The following RFTN1 variants were observed in gnomAD, a reference collection of about 807,000 sequenced individuals.
RFTN1 encodes raftlin.
Under a neutral mutation model 46.5 loss-of-function variants are expected in RFTN1, and 26 were observed. The observed-to-expected ratio is 0.56, with a 90% CI of 0.41 to 0.78. The LOEUF is 0.78. Among genes scored for constraint, RFTN1 ranks in the 30% least tolerant of loss-of-function variants. The pLI, the probability that RFTN1 is intolerant of heterozygous loss-of-function variation, is 0.00. For synonymous variants in RFTN1, 261 were observed against 284.2 expected, an observed-to-expected ratio of 0.92 and a Z score of 0.82; for missense variants, 693 against 718.7, an observed-to-expected ratio of 0.96 and a Z score of 0.41.
chr3:16,391,893 TG>T (rs59883582), intron 4 of RFTN1, among the ~76,000 whole-genome samples: 4,007 of 27,758 alleles, frequency 0.14, 447 homozygotes, highest in African/African-American at 0.23. Flanking sequence ...TTTTTTTTTT[TG>T]TTTTTTTTAC....
intron 4 of RFTN1, among the ~76,000 whole-genome samples, chr3:16,397,966 G>T (rs563785662): frequency 2.6e-5 from 4 of 152,288 alleles, no homozygotes; most frequent in Non-Finnish European, 5.9e-5. Flanking sequence ...AGCATCATGG[G>T]CCGGGCGCGG....
chr3:16,402,554 C>G lies in RFTN1; in HGVS notation c.441+6821G>C, dbSNP rs1164375178. ...CATTTCACTCTGAATTGGCATCTTA[C>G]CCTAATTAAAATTAGACTCTCTGCA... On this transcript the variant is annotated intron_variant, in intron 4 of 9. Coordinates refer to ENST00000334133, the MANE Select transcript of RFTN1 (RefSeq NM_015150.2). The surrounding 1 kb of genome is among the most constrained non-coding windows in gnomAD (Gnocchi z 4.5). Among the ~76,000 whole-genome samples the G allele has an allele frequency of 6.6e-6, 1 of 152,156 alleles. No homozygotes were observed. The highest frequency in any genetic ancestry group is 1.5e-5 in the Non-Finnish European group (1 of 68,030).
Position 16,459,766 on chromosome 3 carries a change from T to C in RFTN1, c.146-25729A>G, listed in dbSNP as rs796993061. Reference sequence around the variant, plus strand: ...ATATCATCATGTTATAGAAAAAAGTTGAAAAAGGAACATATTATAGAATTA... The same window carrying C: ...ATATCATCATGTTATAGAAAAAAGTCGAAAAAGGAACATATTATAGAATTA... On this transcript the variant is annotated intron_variant, in intron 2 of 9. Transcript: ENST00000334133. This position sits in a 1 kb window ranked among gnomAD's most constrained non-coding sequence, Gnocchi z 4.2. Among the ~76,000 whole-genome samples the C allele has an allele frequency of 1.1e-4, 16 of 151,814 alleles. No individual in the cohort carries two copies. The highest frequency in any genetic ancestry group is 3.9e-4 in the African/African-American group (16 of 41,154).
At position 16,326,161 on chromosome 3, in the gene RFTN1, G is replaced by A. The variant is rs184801564; in HGVS notation, c.1250+612C>T. On this transcript the variant is annotated intron_variant, in intron 8 of 9. Coordinates refer to ENST00000334133, the MANE Select transcript of RFTN1 (RefSeq NM_015150.2). The stretch of plus-strand genomic sequence containing the variant: ...AACATATAGATGGAGGGCCTTTTAT[G>A]GTTGGTGTGACTGGGCTCAAGGGAG... Among the ~76,000 whole-genome samples the A allele has an allele frequency of 3.3e-4, 50 of 152,352 alleles. No individual in the cohort carries two copies. In the East Asian group the frequency reaches 8.9e-3, roughly 27 times the overall value.
chr3:16,406,368 C>A (rs545385785), intron 4 of RFTN1, among the ~76,000 whole-genome samples: 17 of 152,318 alleles, frequency 1.1e-4, no homozygotes, highest in African/African-American at 3.8e-4. Flanking sequence ...CCAAGTCCAG[C>A]CCTGTCCACT....
In RFTN1 at chr3:16,403,834, A is replaced by AT. The variant is rs1434470072; in HGVS notation, c.441+5540_441+5541insA. On this transcript the variant is annotated intron_variant, in intron 4 of 9. Transcript: ENST00000334133. ...ATATTTTATATTATATTTATATATAAATATAATATAATATATATTTTATAT... is the reference window on the plus strand; with the variant it reads ...ATATTTTATATTATATTTATATATAATATATAATATAATATATATTTTATAT... Among the ~76,000 whole-genome samples, 3 of 5,098 alleles carry AT rather than the reference A, an allele frequency of 5.9e-4. 1 individual carries two copies. The highest frequency in any genetic ancestry group is 5.0e-3 in the African/African-American group (3 of 596). The allele number at this position is 5,098 out of a possible 152,430, so 3.3% of individuals were successfully genotyped here.
At chr3:16,409,790 TTCTCCTGCCTCAGCCTCCCCAG>T (rs964919596) in intron 3 of RFTN1, among the ~76,000 whole-genome samples, 1 of 151,186 alleles carries the variant, frequency 6.6e-6, no homozygotes, top group Non-Finnish European at 1.5e-5. Context: ...GTTCACGCCA[TTCTCCTGCCTCAGCCTCCCCAG>T]TAGCTGGGAC....
At chr3:16,409,016 G>A (rs987850660) in intron 4 of RFTN1, among the ~76,000 whole-genome samples, 1 of 152,244 alleles carries the variant, frequency 6.6e-6, no homozygotes, top group Non-Finnish European at 1.5e-5. Flanking sequence ...GGAAGGGAAG[G>A]GGGCTTGCGG....
intron 2 of RFTN1, among the ~76,000 whole-genome samples, chr3:16,454,216 A>T (rs2124913722): frequency 6.6e-6 from 1 of 152,316 alleles, no homozygotes; most frequent in Middle Eastern, 3.4e-3. Context: ...ACTCTTATAT[A>T]TCTTTACAGG....
intron 2 of RFTN1, among the ~76,000 whole-genome samples, chr3:16,438,348 G>T (rs2075554806): frequency 6.6e-6 from 1 of 151,966 alleles, no homozygotes; most frequent in Non-Finnish European, 1.5e-5. Context: ...ACTTTAGGAG[G>T]CCGAGGCGGG....
chr3:16,510,414 A>T (rs2076878220), intron 1 of RFTN1, among the ~76,000 whole-genome samples: 1 of 152,248 alleles, frequency 6.6e-6, no homozygotes, highest in African/African-American at 2.4e-5. Context: ...CCAAGGGTAC[A>T]TTCCCCTATG....
At chr3:16,388,714 T>A (rs2074271758) in intron 4 of RFTN1, among the ~76,000 whole-genome samples, 1 of 152,160 alleles carries the variant, frequency 6.6e-6, no homozygotes, top group Non-Finnish European at 1.5e-5. Flanking sequence ...TTTGTTAATA[T>A]CACTACTTCT....
intron 5 of RFTN1, among the ~76,000 whole-genome samples, chr3:16,375,317 C>T (rs2073723538): frequency 6.6e-6 from 1 of 151,888 alleles, no homozygotes; most frequent in Non-Finnish European, 1.5e-5. Context: ...GGACAGGGTC[C>T]CTGGACGTTC....
chr3:16,333,398 T>C (rs1052920790), intron 7 of RFTN1, among the ~76,000 whole-genome samples: 2 of 152,234 alleles, frequency 1.3e-5, no homozygotes, highest in Admixed American at 1.3e-4. Flanking sequence ...TGTATTGATT[T>C]TGGGATTACA....
In RFTN1 at chr3:16,342,901, T is replaced by C. The variant is rs1472463501; in HGVS notation, c.1146+15031A>G. Among the ~76,000 whole-genome samples the C allele has an allele frequency of 6.6e-6, 1 of 152,204 alleles. No individual in the cohort carries two copies. The highest frequency in any genetic ancestry group is 1.5e-5 in the Non-Finnish European group (1 of 68,026). On this transcript the variant is annotated intron_variant, in intron 7 of 9. Transcript: ENST00000334133. The surrounding 1 kb of genome is among the most constrained non-coding windows in gnomAD (Gnocchi z 4.0). ...CCCGAAGACCCACTGACTTTGAGTC[T>C]CGATCTCAGCTCACTGCAGCCTCAA...
intron 7 of RFTN1, among the ~76,000 whole-genome samples, chr3:16,331,864 C>T (rs1300014871): frequency 6.6e-6 from 1 of 152,244 alleles, no homozygotes; most frequent in East Asian, 1.9e-4. Flanking sequence ...CTAAAAATGC[C>T]TTTGTGTTAA....
rs66657696 is a variant in RFTN1, at chr3:16,410,212, TAC to T, written c.333-731_333-730del. Among the ~76,000 whole-genome samples, 14,747 of 140,968 alleles carry T rather than the reference TAC, an allele frequency of 0.1. 754 individuals are homozygous for T. The highest frequency in any genetic ancestry group is 0.13 in the African/African-American group (4,938 of 37,084). The allele number at this position is 140,968 out of a possible 152,430, so 92.5% of individuals were successfully genotyped here. On this transcript the variant is annotated intron_variant, in intron 3 of 9. Transcript: ENST00000334133. The surrounding 1 kb of genome is among the most constrained non-coding windows in gnomAD (Gnocchi z 4.6). ...TTGGTACAATACAGCTTACATGTTA[TAC>T]ACACACACACACACACACACACACA...
chr3:16,368,428 T>A (rs2073335476), intron 6 of RFTN1, among the ~76,000 whole-genome samples: 1 of 152,122 alleles, frequency 6.6e-6, no homozygotes, highest in South Asian at 2.1e-4. Flanking sequence ...TCCCAGCACT[T>A]TGGGAGGCCA....
Position 16,490,000 on chromosome 3 carries a change from T to A in RFTN1, c.145+3725A>T, listed in dbSNP as rs1027456863. On this transcript the variant is annotated intron_variant, in intron 2 of 9. Transcript: ENST00000334133. The surrounding 1 kb of genome is among the most constrained non-coding windows in gnomAD (Gnocchi z 4.0). ...ATAGTAGCACTCAACAAACGTCAGC[T>A]CCATTCTGGAGAATAAAGAATAATC... Among the ~76,000 whole-genome samples the A allele has an allele frequency of 6.6e-6, 1 of 152,106 alleles. No homozygotes were observed. The highest frequency in any genetic ancestry group is 2.4e-5 in the African/African-American group (1 of 41,404).
Sources: allele counts gnomAD v4.1 joint callset (sites outside exome capture counted in the v4.1 genomes callset), GRCh38; gene constraint gnomAD v4.1.1; non-coding constraint Gnocchi (gnomAD v3.1); transcripts MANE v1.5; gene names NCBI Gene and HGNC (gene_info 2026-07-23, HGNC 2026-07-21).